Variants in MYO10 observed in about 807,000 individuals in gnomAD.
The protein encoded by MYO10 is myosin X.
MYO10 carries 133 observed loss-of-function variants against 257.3 expected under a neutral mutation model. The observed-to-expected ratio is 0.52, with a 90% CI of 0.45 to 0.60. The LOEUF is 0.60. Among genes scored for constraint, MYO10 ranks in the 20% least tolerant of loss-of-function variants. MYO10 has a pLI of 0.00. For missense variants in MYO10, 2,399 were observed against 2,635.7 expected (o/e 0.91, Z 1.97); for synonymous variants, 1,104 against 1,028.6 (o/e 1.07, Z -1.40).
chr5:16,763,815 G>T, intron 12 of MYO10, 60 bp from the exon 13 acceptor site: 1 of 1,031,978 alleles, frequency 9.7e-7, no homozygotes, highest in Non-Finnish European at 1.4e-6. Context: ...ATAGAAAGGT[G>T]AAGAAAAGAC....
At chr5:16,849,984 A>G (rs1743752357) in intron 2 of MYO10, among the ~76,000 whole-genome samples, 1 of 152,208 alleles carries the variant, frequency 6.6e-6, no homozygotes, top group Non-Finnish European at 1.5e-5. Context: ...TTCTTTACAC[A>G]AAGTAACTGA....
intron 33 of MYO10, among the ~76,000 whole-genome samples, chr5:16,677,591 A>AT (rs374839103): frequency 0.065 from 9,586 of 146,408 alleles, 1,014 homozygotes; most frequent in African/African-American, 0.23. Context: ...AATTTTTTGC[A>AT]TTTTTAGTAG....
intron 18 of MYO10, among the ~76,000 whole-genome samples, chr5:16,757,754 T>A (rs414177): frequency 0.24 from 36,528 of 152,068 alleles, 4,631 homozygotes; most frequent in Non-Finnish European, 0.27. Flanking sequence ...AATCTTGATC[T>A]CCCAGGCTCA....
In MYO10 at chr5:16,935,653, G is replaced by C. The variant is rs914151141; in HGVS notation, c.21+135C>G. ...CATCAGAGACTCCGCGGGGGGATGG[G>C]GGGTGATTTCAGGAGACTCCCAGAA... On this transcript the variant is annotated intron_variant, in intron 1 of 40. Transcript: ENST00000513610. The C allele has an allele frequency of 4.1e-5, 40 of 976,002 alleles. No individual in the cohort carries two copies. In the African/African-American group the frequency reaches 5.6e-4, roughly 14 times the overall value. The allele number at this position is 976,002 out of a possible 1,614,324, so 60.5% of individuals were successfully genotyped here. A position where few individuals can be genotyped will look rare whatever the true frequency, so the allele number is the denominator to read the frequency against.
rs1193451478 is a variant in MYO10 at position 16,781,959 on chromosome 5, A to T, written c.603-130T>A. 3.3e-5 allele frequency: 38 copies of T among 1,144,480 alleles called. No homozygotes were observed. In the East Asian group the frequency reaches 8.3e-4, roughly 25 times the overall value. The allele number at this position is 1,144,480 out of a possible 1,614,324, so 70.9% of individuals were successfully genotyped here. A position where few individuals can be genotyped will look rare whatever the true frequency, so the allele number is the denominator to read the frequency against. ...GAAACCAAAAGGACTGAGGGTGGCAATGTTTATTTCCGGAAGAGCCAGATT... is the reference window on the plus strand; with the variant it reads ...GAAACCAAAAGGACTGAGGGTGGCATTGTTTATTTCCGGAAGAGCCAGATT... On this transcript the variant is annotated intron_variant, in intron 5 of 40. Coordinates refer to ENST00000513610, the MANE Select transcript of MYO10 (RefSeq NM_012334.3).
intron 3 of MYO10, among the ~76,000 whole-genome samples, chr5:16,800,624 ACT>A (rs1742093566): frequency 6.6e-6 from 1 of 151,894 alleles, no homozygotes; most frequent in African/African-American, 2.4e-5. Flanking sequence ...AGTGAGGAAG[ACT>A]CTATCTTCTA....
chr5:16,845,741 G>A (rs553493873), intron 2 of MYO10, among the ~76,000 whole-genome samples: 4 of 152,040 alleles, frequency 2.6e-5, no homozygotes, highest in Non-Finnish European at 5.9e-5. Context: ...CGAGGCGGGT[G>A]GATCACAAGG....
At chr5:16,794,531 A>G in intron 4 of MYO10, 115 bp downstream of exon 4, 1 of 1,001,352 alleles carries the variant, frequency 1.0e-6, no homozygotes, top group Non-Finnish European at 1.4e-6. Flanking sequence ...TGTCGGAGAA[A>G]CTCAGGCGGT....
intron 19 of MYO10, among the ~76,000 whole-genome samples, chr5:16,735,965 G>C (rs1322819240): frequency 6.6e-6 from 1 of 152,118 alleles, no homozygotes; most frequent in Non-Finnish European, 1.5e-5. Flanking sequence ...CACACCCGCA[G>C]ATCAGGGCCC....
intron 28 of MYO10, among the ~76,000 whole-genome samples, chr5:16,689,288 A>T (rs1160392647): frequency 1.3e-5 from 2 of 152,208 alleles, no homozygotes; most frequent in African/African-American, 4.8e-5. Flanking sequence ...ATTAGCCTGA[A>T]ATATAATTGT....
At chr5:16,757,400 A>G (rs1043219656) in intron 18 of MYO10, among the ~76,000 whole-genome samples, 4 of 151,964 alleles carry the variant, frequency 2.6e-5, no homozygotes, top group African/African-American at 4.8e-5. Flanking sequence ...CTAGAAAAAG[A>G]AAACTGAAAA....
chr5:16,680,870 C>A (rs1446932438), intron 32 of MYO10, among the ~76,000 whole-genome samples: 1 of 152,148 alleles, frequency 6.6e-6, no homozygotes, highest in Non-Finnish European at 1.5e-5. Context: ...TGGTGCGTGC[C>A]TGTAGTCCTA....
At chr5:16,853,552 C>T (rs976873249) in intron 2 of MYO10, among the ~76,000 whole-genome samples, 1 of 152,194 alleles carries the variant, frequency 6.6e-6, no homozygotes, top group Non-Finnish European at 1.5e-5. Flanking sequence ...CTCTCACCTA[C>T]TTCAACAGAA....
At chr5:16,696,435 G>GCA (rs1262496514) in intron 26 of MYO10, among the ~76,000 whole-genome samples, 2 of 152,148 alleles carry the variant, frequency 1.3e-5, no homozygotes, top group Non-Finnish European at 2.9e-5. Flanking sequence ...AAATGAGGCT[G>GCA]CATTTACACA....
Position 16,675,139 on chromosome 5 carries a change from T to C in MYO10, c.4678A>G (p.Lys1560Glu), listed in dbSNP as rs1230241840. ...GDINLNLLKD[K>E]GYTTLQDEAI... ...TCATCCTGAAGGGTGGTATAGCCTT[T>C]GTCTTTGAGCACTAGGACAAGCAAA... Residue 1560 changes from lysine to glutamate, a missense_variant, in exon 35 of 41, where the codon AAA (lysine) becomes GAA (glutamate). This residue lies in a region of MYO10 where 1,820 missense variants were observed against 1,939.4 expected (regional missense o/e 0.94). Coordinates refer to ENST00000513610, the MANE Select transcript of MYO10 (RefSeq NM_012334.3). 6.2e-7 allele frequency: 1 copy of C among 1,613,644 alleles called. No individual in the cohort carries two copies. The highest frequency in any genetic ancestry group is 1.7e-5 in the Admixed American group (1 of 60,018).
intron 2 of MYO10, among the ~76,000 whole-genome samples, chr5:16,830,350 T>A (rs1743127650): frequency 6.6e-6 from 1 of 152,220 alleles, no homozygotes; most frequent in South Asian, 2.1e-4. Context: ...CAGTACTTTG[T>A]TTATTCACAA....
chr5:16,758,331 T>C, intron 17 of MYO10, 105 bp from the exon 18 acceptor site: 2 of 808,260 alleles, frequency 2.5e-6, no homozygotes, highest in South Asian at 1.5e-5. Flanking sequence ...TTCAAAGTAA[T>C]ACACCCTAGG....
chr5:16,729,105 C>T (rs1363289388), intron 19 of MYO10, among the ~76,000 whole-genome samples: 1 of 152,154 alleles, frequency 6.6e-6, no homozygotes, highest in Non-Finnish European at 1.5e-5. Context: ...CTTTGAGATG[C>T]ATTGTTCTAG....
intron 19 of MYO10, 131 bp from the exon 20 acceptor site, chr5:16,711,376 C>G: frequency 1.0e-6 from 1 of 975,410 alleles, no homozygotes; most frequent in Admixed American, 2.7e-5. Flanking sequence ...TGAACCTACA[C>G]AGAAATAGAG....
Sources: gnomAD v4.1 joint callset for allele counts (sites outside exome capture counted in the v4.1 genomes callset) on GRCh38, gnomAD v4.1.1 for gene constraint, gnomAD v4.1.1 regional missense constraint, MANE v1.5 for transcripts, NCBI Gene and HGNC (gene_info 2026-07-23, HGNC 2026-07-21) for gene names.